Variants in MIPOL1 observed in about 807,000 individuals in gnomAD.
MIPOL1 encodes mirror-image polydactyly gene 1 protein.
A neutral mutation model predicts 60.9 loss-of-function variants in MIPOL1; 57 were observed. The observed-to-expected ratio is 0.94, with a 90% CI of 0.76 to 1.17. The LOEUF (loss-of-function observed/expected upper bound fraction) is 1.17. Among genes scored for constraint, MIPOL1 ranks in the 50% most tolerant of loss-of-function variants. The probability of loss-of-function intolerance (pLI) is 0.00; values close to 1 mark genes in which losing one functional copy is unlikely to be tolerated. For missense variants in MIPOL1, 551 were observed against 511.6 expected (o/e 1.08, Z -0.74); for synonymous variants, 179 against 168.8 (o/e 1.06, Z -0.47).
chr14:37,446,067 A>G (rs2094328998), intron 11 of MIPOL1, among the ~76,000 whole-genome samples: 2 of 152,340 alleles, frequency 1.3e-5, no homozygotes, highest in East Asian at 1.9e-4. Flanking sequence ...GCCAAAATTG[A>G]CAAATGGGAT....
chr14:37,211,335 T>C lies in MIPOL1; in HGVS notation c.-199+13231T>C, dbSNP rs544097563. 3.3e-5 allele frequency among the ~76,000 whole-genome samples: 5 copies of C among 152,166 alleles called. 1 individual carries two copies. Among genetic ancestry groups the C allele is most frequent in the Admixed American group, 1.3e-4 (2 of 15,264 alleles). ...AGGTACTGAAGAGATCGAAAAACAA[T>C]CCTAAGTCACTGCCACTGCTTCCCC... On this transcript the variant is annotated intron_variant, in intron 1 of 12. Transcript: ENST00000684589.
At chr14:37,453,645 A>G (rs996389170) in intron 11 of MIPOL1, among the ~76,000 whole-genome samples, 3 of 152,128 alleles carry the variant, frequency 2.0e-5, no homozygotes, top group Admixed American at 2.0e-4. Flanking sequence ...ATAAGTGCCC[A>G]AAAAAGGTAC....
intron 10 of MIPOL1, among the ~76,000 whole-genome samples, chr14:37,380,087 C>T (rs1041877368): frequency 6.6e-6 from 1 of 151,970 alleles, no homozygotes; most frequent in East Asian, 1.9e-4. Context: ...AATGCTAAAC[C>T]AAATGATCAT....
At chr14:37,310,813 T>A (rs1474886492) in intron 9 of MIPOL1, among the ~76,000 whole-genome samples, 1 of 152,010 alleles carries the variant, frequency 6.6e-6, no homozygotes, top group Non-Finnish European at 1.5e-5. Flanking sequence ...TGTATTCTAG[T>A]GTGTGTTTGT....
chr14:37,399,755 A>G (rs1045790860), intron 10 of MIPOL1: 2 of 152,242 alleles, frequency 1.3e-5, no homozygotes, highest in Admixed American at 1.3e-4. Context: ...ATTAATGGTC[A>G]GGAAAAACAG....
intron 11 of MIPOL1, among the ~76,000 whole-genome samples, chr14:37,485,298 T>C (rs928911011): frequency 1.3e-5 from 2 of 152,228 alleles, no homozygotes; most frequent in African/African-American, 4.8e-5. Flanking sequence ...AACATACGTG[T>C]GCATGTGTCT....
chr14:37,216,223 C>T (rs2139408674), intron 1 of MIPOL1, among the ~76,000 whole-genome samples: 1 of 152,098 alleles, frequency 6.6e-6, no homozygotes. Context: ...GTCAATTCAG[C>T]AAGAGGATAT....
At chr14:37,330,802 C>T (rs1446186180) in intron 9 of MIPOL1, among the ~76,000 whole-genome samples, 3 of 150,266 alleles carry the variant, frequency 2.0e-5, no homozygotes, top group African/African-American at 7.4e-5. Flanking sequence ...ACAGAGTACA[C>T]AGCCAGAAAA....
chr14:37,345,703 AG>A (rs1354713621), intron 9 of MIPOL1, among the ~76,000 whole-genome samples: 1 of 152,152 alleles, frequency 6.6e-6, no homozygotes. Context: ...TCCAGGTGCT[AG>A]GGGTCCTCAT....
intron 7 of MIPOL1, among the ~76,000 whole-genome samples, chr14:37,303,336 A>T (rs182265249): frequency 2.8e-4 from 43 of 151,980 alleles, no homozygotes; most frequent in Admixed American, 4.6e-4. Flanking sequence ...TTATTAATTC[A>T]TTCTTAAAAC....
chr14:37,450,436 T>C (rs188442622), intron 11 of MIPOL1, among the ~76,000 whole-genome samples: 123 of 152,314 alleles, frequency 8.1e-4, no homozygotes, highest in African/African-American at 2.8e-3. Context: ...TAAGATGTTA[T>C]TCTTTCTCTT....
rs144201463 is a variant in MIPOL1, at chr14:37,379,379, C to A, written c.936+9755C>A. 2.2e-3 allele frequency among the ~76,000 whole-genome samples: 330 copies of A among 152,104 alleles called. 1 individual carries two copies. Among genetic ancestry groups the A allele is most frequent in the African/African-American group, 7.4e-3 (308 of 41,540 alleles). ...AAAACTCCTAGAAGAAAAAACATAA[C>A]TGCAAATTTTTGCGTCCTTCAGTTA... On this transcript the variant is annotated intron_variant, in intron 10 of 12. Coordinates refer to ENST00000684589, the MANE Select transcript of MIPOL1 (RefSeq NM_001388067.1).
intron 11 of MIPOL1, among the ~76,000 whole-genome samples, chr14:37,485,675 GTTGT>G (rs1176294048): frequency 1.3e-5 from 2 of 152,036 alleles, no homozygotes; most frequent in Admixed American, 1.3e-4. Context: ...TTTTGATGGG[GTTGT>G]TTGTTTTTTT....
chr14:37,297,218 C>A (rs1212516163), intron 7 of MIPOL1, among the ~76,000 whole-genome samples: 2 of 152,138 alleles, frequency 1.3e-5, no homozygotes, highest in African/African-American at 4.8e-5. Context: ...ATGATTATCT[C>A]AATAGATGCA....
chr14:37,452,532 C>T (rs1417323781), intron 11 of MIPOL1, among the ~76,000 whole-genome samples: 1 of 152,138 alleles, frequency 6.6e-6, no homozygotes, highest in Non-Finnish European at 1.5e-5. Flanking sequence ...GGCAGCTGTA[C>T]TACTTTGGGG....
chr14:37,305,883 G>A (rs1484534911), intron 7 of MIPOL1, among the ~76,000 whole-genome samples: 3 of 151,708 alleles, frequency 2.0e-5, no homozygotes, highest in African/African-American at 4.8e-5. Flanking sequence ...GCTCACTTAC[G>A]TCCTGTGTGT....
chr14:37,499,162 T>G (rs1452585758), intron 11 of MIPOL1, among the ~76,000 whole-genome samples: 1 of 152,146 alleles, frequency 6.6e-6, no homozygotes, highest in Non-Finnish European at 1.5e-5. Flanking sequence ...TTGGTGCCAT[T>G]TCAAAATAAC....
At chr14:37,299,987 A>G (rs866003198) in intron 7 of MIPOL1, among the ~76,000 whole-genome samples, 3 of 151,976 alleles carry the variant, frequency 2.0e-5, no homozygotes, top group African/African-American at 4.8e-5. Flanking sequence ...GGTTTGCCTC[A>G]TGGTTATGTT....
intron 7 of MIPOL1, among the ~76,000 whole-genome samples, chr14:37,290,953 A>T (rs1298792904): frequency 6.6e-6 from 1 of 152,162 alleles, no homozygotes; most frequent in East Asian, 1.9e-4. Flanking sequence ...TATGAGTGAT[A>T]ACATGTGGTA....
Sources: gnomAD v4.1 joint callset for allele counts (sites outside exome capture counted in the v4.1 genomes callset) on GRCh38, gnomAD v4.1.1 for gene constraint, MANE v1.5 for transcripts, NCBI Gene and HGNC (gene_info 2026-07-23, HGNC 2026-07-21) for gene names.